Variants in PCP4 observed in about 807,000 individuals in gnomAD.
PCP4 encodes Purkinje cell protein 4.
PCP4 carries 8 observed loss-of-function variants against 10.0 expected under a neutral mutation model. The ratio of observed to expected loss-of-function variants is 0.80; its 90% CI spans 0.47 to 1.45. PCP4 has a LOEUF of 1.45. Ranked by LOEUF, PCP4 falls within the 40% of genes most tolerant of loss-of-function variation. The probability of loss-of-function intolerance (pLI) is 0.00; values close to 1 mark genes in which losing one functional copy is unlikely to be tolerated. For missense variants in PCP4, 54 were observed against 74.4 expected (o/e 0.73, Z 1.01); for synonymous variants, 21 against 23.0 (o/e 0.91, Z 0.24).
At chr21:39,916,301 C>T (rs912654941) in intron 2 of PCP4, 2 of 152,212 alleles carry the variant, frequency 1.3e-5, no homozygotes, top group Admixed American at 6.5e-5. Context: ...GCAATCTGAT[C>T]TCTAAAAGCA....
intron 2 of PCP4, among the ~76,000 whole-genome samples, chr21:39,927,342 T>TATC (rs1568863842): frequency 3.2e-5 from 1 of 31,426 alleles, no homozygotes; most frequent in African/African-American, 2.1e-4. Flanking sequence ...TCTATCTGTC[T>TATC]ATCTATCTAT....
chr21:39,890,598 A>G (rs1405216957), intron 1 of PCP4, among the ~76,000 whole-genome samples: 1 of 151,114 alleles, frequency 6.6e-6, no homozygotes, highest in African/African-American at 2.4e-5. Flanking sequence ...CAAACTCCTG[A>G]CCTCAGGTGA....
intron 1 of PCP4, among the ~76,000 whole-genome samples, chr21:39,895,581 C>T (rs2087453023): frequency 6.6e-6 from 1 of 152,238 alleles, no homozygotes; most frequent in Admixed American, 6.5e-5. Flanking sequence ...TCTGCCTCTG[C>T]CTCTTCCCCA....
At chr21:39,871,058 A>G (rs1317667908) in intron 1 of PCP4, among the ~76,000 whole-genome samples, 1 of 152,268 alleles carries the variant, frequency 6.6e-6, no homozygotes, top group Non-Finnish European at 1.5e-5. Context: ...TATACGTTAA[A>G]ACGTACAATA....
intron 1 of PCP4, among the ~76,000 whole-genome samples, chr21:39,868,276 C>T (rs914903761): frequency 6.6e-6 from 1 of 152,184 alleles, no homozygotes; most frequent in Non-Finnish European, 1.5e-5. Context: ...GAGCCAAATG[C>T]ATCTTCATTT....
Position 39,906,541 on chromosome 21 carries a change from T to C in PCP4, c.61+8014T>C, listed in dbSNP as rs1009055231. ...CCTCACCCTTTCTCTTTCTCCCTCC[T>C]TCCTTCCTTCCGCTCCTCCTTCTTC... On this transcript the variant is annotated intron_variant, in intron 2 of 2. Transcript: ENST00000328619. This position sits in a 1 kb window ranked among gnomAD's most constrained non-coding sequence, Gnocchi z 6.3. Among the ~76,000 whole-genome samples the C allele has an allele frequency of 1.3e-5, 2 of 150,438 alleles. No individual in the cohort carries two copies. The highest frequency in any genetic ancestry group is 5.0e-5 in the African/African-American group (2 of 39,900).
At chr21:39,886,997 T>C (rs537644234) in intron 1 of PCP4, among the ~76,000 whole-genome samples, 1 of 152,318 alleles carries the variant, frequency 6.6e-6, no homozygotes, top group South Asian at 2.1e-4. Flanking sequence ...AACAGTGTTC[T>C]TCAGCATGAA....
At chr21:39,905,042 G>C (rs747931532) in intron 2 of PCP4, among the ~76,000 whole-genome samples, 7 of 152,164 alleles carry the variant, frequency 4.6e-5, no homozygotes, top group Non-Finnish European at 1.0e-4. Context: ...TCCCAGGCTA[G>C]AAAGCTCTCA....
chr21:39,898,439 A>G (rs377232216), intron 1 of PCP4, 37 bp from the exon 2 acceptor site: 6 of 1,561,450 alleles, frequency 3.8e-6, no homozygotes, highest in Non-Finnish European at 4.4e-6. Context: ...AGTATATCTG[A>G]TAACAATTGC....
chr21:39,902,912 C>T (rs995653547), intron 2 of PCP4, among the ~76,000 whole-genome samples: 2 of 152,124 alleles, frequency 1.3e-5, no homozygotes, highest in African/African-American at 4.8e-5. Flanking sequence ...ATCTTTCTGT[C>T]TCATTTAAAT....
chr21:39,877,654 G>A (rs141714988), intron 1 of PCP4, among the ~76,000 whole-genome samples: 1,877 of 152,186 alleles, frequency 0.012, 32 homozygotes, highest in African/African-American at 0.042. Flanking sequence ...CCATGATCAT[G>A]CCACTGCACT....
rs527276118 is a variant in PCP4, at chr21:39,909,225, C to A, written c.61+10698C>A. On this transcript the variant is annotated intron_variant, in intron 2 of 2. Transcript: ENST00000328619. ...ATTACAGTTATTATAATGACAATTT[C>A]TCATGGCTATTATGGCATATTGATC... Among the ~76,000 whole-genome samples the A allele has an allele frequency of 4.6e-5, 7 of 152,334 alleles. No homozygotes were observed. In the East Asian group the frequency reaches 5.8e-4, roughly 13 times the overall value.
intron 1 of PCP4, among the ~76,000 whole-genome samples, chr21:39,897,321 G>A (rs1002844016): frequency 3.3e-5 from 5 of 150,634 alleles, no homozygotes; most frequent in Non-Finnish European, 5.9e-5. Context: ...CTGGGAGGCG[G>A]AGGTTGCAGT....
intron 2 of PCP4, among the ~76,000 whole-genome samples, chr21:39,918,994 T>C (rs1247159919): frequency 6.6e-6 from 1 of 152,244 alleles, no homozygotes; most frequent in African/African-American, 2.4e-5. Context: ...AATTTATTGT[T>C]ATAATTTTTT....
chr21:39,878,385 T>G (rs2087356376), intron 1 of PCP4, among the ~76,000 whole-genome samples: 1 of 152,236 alleles, frequency 6.6e-6, no homozygotes, highest in African/African-American at 2.4e-5. Context: ...TAGAGCCATG[T>G]GAGAATTTAG....
intron 1 of PCP4, among the ~76,000 whole-genome samples, chr21:39,892,854 C>T (rs775486587): frequency 2.6e-5 from 4 of 151,860 alleles, no homozygotes; most frequent in African/African-American, 4.8e-5. Context: ...CCTATTCAGC[C>T]GTAAAAAAGA....
At chr21:39,922,381 CAT>C (rs1474286181) in intron 2 of PCP4, among the ~76,000 whole-genome samples, 3 of 152,140 alleles carry the variant, frequency 2.0e-5, no homozygotes, top group Non-Finnish European at 4.4e-5. Flanking sequence ...CATAATAAAA[CAT>C]ATAATTGCAG....
At chr21:39,927,343 A>G (rs58239406) in intron 2 of PCP4, among the ~76,000 whole-genome samples, 301 of 21,008 alleles carry the variant, frequency 0.014, 3 homozygotes, top group African/African-American at 0.04. Flanking sequence ...CTATCTGTCT[A>G]TCTATCTATC....
At chr21:39,909,136 T>C (rs545888205) in intron 2 of PCP4, among the ~76,000 whole-genome samples, 1 of 152,232 alleles carries the variant, frequency 6.6e-6, no homozygotes, top group Admixed American at 6.5e-5. Flanking sequence ...TGTGAGATCA[T>C]TGAATTTAAA....
Sources: gnomAD v4.1 joint callset for allele counts (sites outside exome capture counted in the v4.1 genomes callset) on GRCh38, gnomAD v4.1.1 for gene constraint, Gnocchi (gnomAD v3.1) non-coding constraint, MANE v1.5 for transcripts, NCBI Gene and HGNC (gene_info 2026-07-23, HGNC 2026-07-21) for gene names.